Variants in TPRG1 observed in about 807,000 individuals in gnomAD.
TPRG1 encodes the protein tumor protein p63-regulated gene 1 protein.
TPRG1 carries 29 observed loss-of-function variants against 29.3 expected under a neutral mutation model. The observed-to-expected ratio is 0.99, with a 90% CI of 0.74 to 1.35. The LOEUF (loss-of-function observed/expected upper bound fraction) is 1.35, where lower values mean the gene tolerates loss of function less well. Ranked by LOEUF, TPRG1 falls within the 40% of genes most tolerant of loss-of-function variation. The probability of loss-of-function intolerance (pLI) is 0.00; values close to 1 mark genes in which losing one functional copy is unlikely to be tolerated. For missense variants in TPRG1, 327 were observed against 335.0 expected (o/e 0.98, Z 0.19); for synonymous variants, 130 against 116.8 (o/e 1.11, Z -0.73).
At position 189,111,120 on chromosome 3, in the gene TPRG1, A is replaced by AC. The variant is rs200197192; in HGVS notation, c.-744+10916_-744+10917insC. Reference sequence around the variant, plus strand: ...AATTTCTAAAAAAACAAACAAACAAAAAAAATCTTACTAGAATTGCATTGA... The same window carrying AC: ...AATTTCTAAAAAAACAAACAAACAAACAAAAATCTTACTAGAATTGCATTGA... On this transcript the variant is annotated intron_variant, in intron 1 of 6. Coordinates refer to the TPRG1 transcript ENST00000412373. 4.4e-3 allele frequency among the ~76,000 whole-genome samples: 673 copies of AC among 151,782 alleles called. 6 individuals are homozygous for AC. The highest frequency in any genetic ancestry group is 0.034 in the East Asian group (175 of 5,166).
At chr3:189,024,268 G>A (rs977904872) in intron 4 of TPRG1, among the ~76,000 whole-genome samples, 3 of 152,184 alleles carry the variant, frequency 2.0e-5, no homozygotes, top group Non-Finnish European at 4.4e-5. Context: ...TAAAGAAGCA[G>A]TCTGGCCACA....
At chr3:189,306,073 G>T (rs979350106) in intron 4 of TPRG1, among the ~76,000 whole-genome samples, 4 of 152,108 alleles carry the variant, frequency 2.6e-5, no homozygotes, top group Non-Finnish European at 1.5e-5. Flanking sequence ...AGTAAAATCG[G>T]CTCATAGATT....
At chr3:189,137,432 C>T (rs2108553178) in intron 3 of TPRG1, among the ~76,000 whole-genome samples, 1 of 149,494 alleles carries the variant, frequency 6.7e-6, no homozygotes, top group East Asian at 2.0e-4. Context: ...AAAACAAAAA[C>T]AACAAAAAAA....
chr3:189,104,539 C>T (rs940419160), intron 1 of TPRG1, among the ~76,000 whole-genome samples: 4 of 151,950 alleles, frequency 2.6e-5, no homozygotes, highest in African/African-American at 9.7e-5. Context: ...TCTGAGTTGG[C>T]GCATTCCCTA....
chr3:189,161,388 T>G, intron 5 of TPRG1, among the ~76,000 whole-genome samples: 1 of 152,190 alleles, frequency 6.6e-6, no homozygotes, highest in East Asian at 1.9e-4. Context: ...AGAAGCATTG[T>G]AAAAACCAAA....
chr3:189,290,454 CTT>C (rs1409838628), intron 4 of TPRG1, among the ~76,000 whole-genome samples: 10 of 152,214 alleles, frequency 6.6e-5, no homozygotes, highest in Admixed American at 5.9e-4. Context: ...TGGAAGATGA[CTT>C]GATGATATCT....
At chr3:189,310,255 C>A in intron 4 of TPRG1, 131 bp from the exon 5 acceptor site, 1 of 684,592 alleles carries the variant, frequency 1.5e-6, no homozygotes, top group Non-Finnish European at 2.2e-6. Context: ...TTTTTCTTCT[C>A]ACCCCCTAAA....
intron 4 of TPRG1, among the ~76,000 whole-genome samples, chr3:189,255,094 C>T (rs7635617): frequency 0.33 from 49,589 of 151,980 alleles, 11,596 homozygotes; most frequent in African/African-American, 0.67. Context: ...CATCCTTGTC[C>T]TGTGCTGGGT....
At chr3:189,064,667 C>T (rs942297437) in intron 4 of TPRG1, among the ~76,000 whole-genome samples, 1 of 152,004 alleles carries the variant, frequency 6.6e-6, no homozygotes, top group Non-Finnish European at 1.5e-5. Context: ...GATGACATCC[C>T]TAATATCAGG....
At chr3:189,120,872 G>A (rs778594863) in intron 1 of TPRG1, among the ~76,000 whole-genome samples, 34 of 152,204 alleles carry the variant, frequency 2.2e-4, no homozygotes, top group Non-Finnish European at 2.4e-4. Context: ...CCCCATCTGA[G>A]ACCAGGTCTT....
chr3:189,260,795 G>A (rs534194140), intron 4 of TPRG1, among the ~76,000 whole-genome samples: 1 of 152,296 alleles, frequency 6.6e-6, no homozygotes, highest in Admixed American at 6.5e-5. Flanking sequence ...TCTGCCTCCT[G>A]TTGACTTAGT....
At chr3:189,022,915 G>C (rs1713431262) in intron 3 of TPRG1, among the ~76,000 whole-genome samples, 1 of 152,254 alleles carries the variant, frequency 6.6e-6, no homozygotes, top group South Asian at 2.1e-4. Flanking sequence ...CCAGGTGCCG[G>C]ATATAATCTC....
At chr3:189,083,173 G>A (rs971150270) in intron 4 of TPRG1, among the ~76,000 whole-genome samples, 4 of 152,148 alleles carry the variant, frequency 2.6e-5, no homozygotes, top group Non-Finnish European at 4.4e-5. Flanking sequence ...GGGCCCAGGT[G>A]ACCAAGGGTG....
chr3:189,019,634 C>T (rs1403419479), intron 3 of TPRG1, among the ~76,000 whole-genome samples: 3 of 152,064 alleles, frequency 2.0e-5, no homozygotes, highest in Non-Finnish European at 4.4e-5. Flanking sequence ...TTTGTTTTGC[C>T]AGTATTTTAT....
intron 5 of TPRG1, among the ~76,000 whole-genome samples, chr3:189,156,975 G>A (rs1432760749): frequency 6.6e-6 from 1 of 152,126 alleles, no homozygotes; most frequent in Non-Finnish European, 1.5e-5. Flanking sequence ...TGCTGCTTTG[G>A]TTATCCTCAG....
At chr3:189,085,128 C>G (rs187237967) in intron 4 of TPRG1, among the ~76,000 whole-genome samples, 9 of 152,208 alleles carry the variant, frequency 5.9e-5, no homozygotes, top group Non-Finnish European at 7.4e-5. Context: ...ACTAGTAAAG[C>G]CTTGCCTTGA....
At chr3:189,318,888 C>T (rs772858422) in intron 5 of TPRG1, among the ~76,000 whole-genome samples, 3 of 152,086 alleles carry the variant, frequency 2.0e-5, no homozygotes, top group Non-Finnish European at 2.9e-5. Flanking sequence ...AATTTTAAAA[C>T]TAAATTTTCT....
chr3:189,190,524 G>C (rs1272154105), intron 1 of TPRG1, among the ~76,000 whole-genome samples: 1 of 152,060 alleles, frequency 6.6e-6, no homozygotes, highest in Non-Finnish European at 1.5e-5. Flanking sequence ...TTTCTCTTTG[G>C]CATACTTTAG....
At chr3:189,266,657 G>T (rs1714145457) in intron 4 of TPRG1, among the ~76,000 whole-genome samples, 1 of 152,078 alleles carries the variant, frequency 6.6e-6, no homozygotes, top group Non-Finnish European at 1.5e-5. Context: ...TGTATAAGAT[G>T]GGATGACTCT....
Sources: allele counts gnomAD v4.1 joint callset (sites outside exome capture counted in the v4.1 genomes callset), GRCh38; gene constraint gnomAD v4.1.1; transcripts MANE v1.5; gene names NCBI Gene and HGNC (gene_info 2026-07-23, HGNC 2026-07-21).